UGT1A8: variants seen among roughly 807,000 people sequenced by gnomAD.
UGT1A8 encodes the protein UDP-glucuronosyltransferase 1A8.
Under a neutral mutation model 45.3 loss-of-function variants are expected in UGT1A8, and 39 were observed. That is an observed-to-expected ratio of 0.86 (90% CI 0.67 to 1.12). UGT1A8 has a LOEUF of 1.12. UGT1A8 is among the 50% of genes most tolerant of loss of function. The pLI, the probability that UGT1A8 is intolerant of heterozygous loss-of-function variation, is 0.00. For missense variants in UGT1A8, 719 were observed against 664.9 expected (o/e 1.08, Z -0.90); for synonymous variants, 275 against 249.2 (o/e 1.10, Z -0.97).
chr2:233,762,151 A>G (rs1420565083), intron 1 of UGT1A8, among the ~76,000 whole-genome samples: 1 of 152,124 alleles, frequency 6.6e-6, no homozygotes, highest in Non-Finnish European at 1.5e-5. Context: ...CTTTGCATTA[A>G]TCACATCCAC....
At chr2:233,675,282 T>C (rs2074316608) in intron 1 of UGT1A8, among the ~76,000 whole-genome samples, 1 of 152,212 alleles carries the variant, frequency 6.6e-6, no homozygotes, top group Admixed American at 6.5e-5. Flanking sequence ...GTGGTCATTC[T>C]TTTACATTCC....
At chr2:233,730,970 C>A (rs1362150933) in intron 1 of UGT1A8, among the ~76,000 whole-genome samples, 1 of 152,154 alleles carries the variant, frequency 6.6e-6, no homozygotes. Context: ...ACTCTGGGAC[C>A]TGAATATTGT....
rs576733843 is a variant in UGT1A8 at position 233,754,931 on chromosome 2, G to A, written c.856-12103G>A. ...TATTCTCCAGCGGGTTTCCCAAGAG[G>A]TCAAAGGAGAATGGGTCCCGGCCGC... On this transcript the variant is annotated intron_variant, in intron 1 of 4. Transcript: ENST00000373450. 20 of 1,344,540 alleles carry A rather than the reference G, an allele frequency of 1.5e-5. No homozygotes were observed. The African/African-American group carries it at 2.2e-4, about 15-fold the overall frequency. The allele number at this position is 1,344,540 out of a possible 1,614,324, so 83.3% of individuals were successfully genotyped here. A position where few individuals can be genotyped will look rare whatever the true frequency, so the allele number is the denominator to read the frequency against.
intron 1 of UGT1A8, among the ~76,000 whole-genome samples, chr2:233,634,762 C>T (rs1042632389): frequency 6.6e-6 from 1 of 150,890 alleles, no homozygotes; most frequent in Admixed American, 6.6e-5. Flanking sequence ...TCCAATTTGC[C>T]AGTCTGTGTC....
At chr2:233,680,621 A>G (rs1005477495) in intron 1 of UGT1A8, among the ~76,000 whole-genome samples, 1 of 152,204 alleles carries the variant, frequency 6.6e-6, no homozygotes, top group Non-Finnish European at 1.5e-5. Context: ...ATTCAGCCCA[A>G]TGCAATGAGA....
Position 233,768,375 on chromosome 2 carries a change from A to C in UGT1A8, c.1231A>C (p.Asn411His). The change falls in exon 4 of 5, where the codon AAT becomes CAT. Residue 411 changes from asparagine to histidine, a missense_variant. Transcript: ENST00000373450. ...GACTAAGGGAGCTGGAGTGACCCTG[A>C]ATGTTCTGGAAATGACTTCTGAAGA... ...METKGAGVTL[N>H]VLEMTSEDLE... 1 of 1,614,190 alleles carries C rather than the reference A, an allele frequency of 6.2e-7. No individual in the cohort carries two copies. Among genetic ancestry groups the C allele is most frequent in the African/African-American group, 1.3e-5 (1 of 75,044 alleles).
rs546167427 is a variant in UGT1A8 at position 233,696,575 on chromosome 2, A to C, written c.856-70459A>C. On this transcript the variant is annotated intron_variant, in intron 1 of 4. Transcript: ENST00000373450. ...ATTATGTCATCTGAGAACAAGAATA[A>C]TTTGACTTCTTCCTTTCCAACTTGG... is the stretch of plus-strand genomic sequence containing the variant. 7.2e-5 allele frequency among the ~76,000 whole-genome samples: 11 copies of C among 151,962 alleles called. No individual in the cohort carries two copies. The South Asian group carries it at 1.3e-3, about 17-fold the overall frequency.
intron 1 of UGT1A8, among the ~76,000 whole-genome samples, chr2:233,649,426 C>T (rs1358098430): frequency 6.6e-6 from 1 of 152,130 alleles, no homozygotes; most frequent in African/African-American, 2.4e-5. Flanking sequence ...TTTAACTAAC[C>T]TGTACTACCT....
chr2:233,714,076 G>A (rs1264024258), intron 1 of UGT1A8, among the ~76,000 whole-genome samples: 2 of 152,134 alleles, frequency 1.3e-5, no homozygotes, highest in African/African-American at 2.4e-5. Flanking sequence ...AGGCAGGGAC[G>A]AGGATCTGTC....
intron 1 of UGT1A8, among the ~76,000 whole-genome samples, chr2:233,734,124 A>T (rs533243585): frequency 1.8e-3 from 273 of 151,048 alleles, no homozygotes; most frequent in Non-Finnish European, 3.0e-3. Context: ...ATAATAATAA[A>T]AAGAATTTGG....
intron 1 of UGT1A8, among the ~76,000 whole-genome samples, chr2:233,627,962 G>C (rs2073120753): frequency 6.6e-6 from 1 of 151,936 alleles, no homozygotes; most frequent in South Asian, 2.1e-4. Context: ...ATTTATTGGA[G>C]AGATGAAATG....
At chr2:233,665,679 C>G (rs1217410888) in intron 1 of UGT1A8, among the ~76,000 whole-genome samples, 1 of 152,168 alleles carries the variant, frequency 6.6e-6, no homozygotes, top group African/African-American at 2.4e-5. Context: ...TTGGCTGACC[C>G]AGGGAGGTGC....
chr2:233,617,701 T>G lies in UGT1A8; in HGVS notation c.-7T>G, dbSNP rs752459901. On this transcript the variant is annotated 5_prime_UTR_variant, in exon 1 of 5. Coordinates refer to ENST00000373450, the MANE Select transcript of UGT1A8 (RefSeq NM_019076.5). ...TCCCAGCTGCTGGCTCGGGCTGCAG[T>G]TCTCTCATGGCTCGCACAGGGTGGA... is the stretch of plus-strand genomic sequence containing the variant. The G allele has an allele frequency of 6.2e-7, 1 of 1,609,188 alleles. No individual in the cohort carries two copies. The highest frequency in any genetic ancestry group is 2.2e-5 in the East Asian group (1 of 44,798).
intron 1 of UGT1A8, chr2:233,713,421 A>G (rs28946885): frequency 6.9e-5 from 112 of 1,613,970 alleles, no homozygotes; most frequent in African/African-American, 9.3e-5. Flanking sequence ...CCTGCATGCT[A>G]CTTCCTTTGA....
chr2:233,756,378 T>C (rs367582243), intron 1 of UGT1A8: 2 of 152,250 alleles, frequency 1.3e-5, no homozygotes, highest in South Asian at 2.1e-4. Flanking sequence ...GCTATGTAAA[T>C]AGTTGTTTTA....
At chr2:233,724,012 T>G (rs1202631633) in intron 1 of UGT1A8, among the ~76,000 whole-genome samples, 1 of 75,726 alleles carries the variant, frequency 1.3e-5, no homozygotes, top group East Asian at 3.2e-4. Context: ...AAGCCGCCAT[T>G]GTCATCCTGG....
At chr2:233,758,553 G>A (rs1420441081) in intron 1 of UGT1A8, among the ~76,000 whole-genome samples, 1 of 152,202 alleles carries the variant, frequency 6.6e-6, no homozygotes, top group Non-Finnish European at 1.5e-5. Context: ...TGCTTGCCCA[G>A]AATCTTGGTC....
chr2:233,766,956 T>C (rs1699290274), intron 1 of UGT1A8, 78 bp from the exon 2 acceptor site: 3 of 1,604,724 alleles, frequency 1.9e-6, no homozygotes, highest in Non-Finnish European at 2.5e-6. Flanking sequence ...GAGGAAGATA[T>C]CTAATTCATA....
At chr2:233,719,353 G>A in intron 1 of UGT1A8, 3 of 1,613,930 alleles carry the variant, frequency 1.9e-6, no homozygotes, top group Non-Finnish European at 2.5e-6. Flanking sequence ...TACATTCCAT[G>A]TGACTTAGAC....
Sources: allele counts gnomAD v4.1 joint callset (sites outside exome capture counted in the v4.1 genomes callset), GRCh38; gene constraint gnomAD v4.1.1; transcripts MANE v1.5; gene names NCBI Gene and HGNC (gene_info 2026-07-23, HGNC 2026-07-21).